The following RETREG3 variants were observed in gnomAD, a reference collection of about 807,000 sequenced individuals.
RETREG3 encodes reticulophagy regulator 3.
In RETREG3, 23 loss-of-function variants were observed where a neutral mutation model predicts 50.2. That is an observed-to-expected ratio of 0.46 (90% CI 0.33 to 0.65). The LOEUF (loss-of-function observed/expected upper bound fraction) is 0.65. RETREG3 is among the 30% of genes least tolerant of loss of function. The pLI, the probability that RETREG3 is intolerant of heterozygous loss-of-function variation, is 0.02. For missense variants in RETREG3, 546 were observed against 598.0 expected (o/e 0.91, Z 0.91); for synonymous variants, 240 against 234.4 (o/e 1.02, Z -0.22).
In RETREG3 at chr17:42,579,862, A is replaced by G. The variant is rs1039620034; in HGVS notation, c.*1951T>C. 3.3e-5 allele frequency: 5 copies of G among 152,762 alleles called. No individual in the cohort carries two copies. The highest frequency in any genetic ancestry group is 1.9e-4 in the East Asian group (1 of 5,336). 9.5% of individuals were successfully genotyped at this position (152,762 alleles called of 1,614,324 possible). A position where few individuals can be genotyped will look rare whatever the true frequency, so the allele number is the denominator to read the frequency against. Reference sequence around the variant, plus strand: ...CACCTAACTCTTCCCTCTTCTGTCAACCATTTTCACTCCCTGGCCTCTGTA... The same window carrying G: ...CACCTAACTCTTCCCTCTTCTGTCAGCCATTTTCACTCCCTGGCCTCTGTA... On this transcript the variant is annotated 3_prime_UTR_variant, in exon 9 of 9. Transcript: ENST00000309428.
At chr17:42,585,078 T>C (rs755886111) in intron 6 of RETREG3, 47 bp downstream of exon 6, 2 of 1,600,900 alleles carry the variant, frequency 1.2e-6, no homozygotes, top group Non-Finnish European at 1.7e-6. Context: ...GCTTCTCCTT[T>C]TCGCCCCAAA....
chr17:42,585,309 A>C, intron 5 of RETREG3, 47 bp from the exon 6 acceptor site: 1 of 1,604,108 alleles, frequency 6.2e-7, no homozygotes. Flanking sequence ...AAGGGGCTGC[A>C]AAAAACATTC....
chr17:42,595,556 C>T (rs1383791018), intron 1 of RETREG3, among the ~76,000 whole-genome samples: 2 of 152,020 alleles, frequency 1.3e-5, no homozygotes, highest in African/African-American at 4.8e-5. Flanking sequence ...GGCATGACAC[C>T]TGGCCATAAT....
Position 42,582,068 on chromosome 17 carries a change from G to C in RETREG3, c.1146C>G (p.Leu382=), listed in dbSNP as rs750421064. Residue 382 remains leucine, a synonymous_variant, in exon 9 of 9, where the codon CTC becomes CTG. Transcript: ENST00000309428. ...ATCCTACAGGAAGAGCACCAAGCAG[G>C]AGCTCCGGCAGCGCAGCCTCGTCCC... The part of the protein sequence containing the change: ...ASRDEAALPE[L]LLGALPVGSN... The C allele has an allele frequency of 1.3e-5, 21 of 1,614,100 alleles. No individual in the cohort carries two copies. The highest frequency in any genetic ancestry group is 6.7e-5 in the African/African-American group (5 of 75,026).
Position 42,586,044 on chromosome 17 carries a change from C to A in RETREG3, c.589+9G>T. 2 of 1,613,850 alleles carry A rather than the reference C, an allele frequency of 1.2e-6. No individual in the cohort carries two copies. The highest frequency in any genetic ancestry group is 2.2e-5 in the South Asian group (2 of 91,066). Reference sequence around the variant, plus strand: ...TATACTTTGTAGGGGAGGTATATGTCATACTTACGCATCAAGTAGGACAGC... The same window carrying A: ...TATACTTTGTAGGGGAGGTATATGTAATACTTACGCATCAAGTAGGACAGC... On this transcript the variant is annotated intron_variant, in intron 5 of 8. Transcript: ENST00000309428.
At position 42,609,042 on chromosome 17, in the gene RETREG3, C is replaced by A. The variant is rs1328980130; in HGVS notation, c.239+44G>T. On this transcript the variant is annotated intron_variant, in intron 1 of 8. Coordinates refer to ENST00000309428, the MANE Select transcript of RETREG3 (RefSeq NM_178126.4). ...AGAAGTAGAGCCCTAGAGGAACCAA[C>A]GAATTCGGGACTCGGAGGGTTTCCG... 1.9e-6 allele frequency: 3 copies of A among 1,577,040 alleles called. No individual in the cohort carries two copies. In the African/African-American group the frequency reaches 4.0e-5, roughly 21 times the overall value.
At chr17:42,603,748 C>A (rs1005444464) in intron 1 of RETREG3, among the ~76,000 whole-genome samples, 2 of 152,104 alleles carry the variant, frequency 1.3e-5, no homozygotes, top group African/African-American at 4.8e-5. Context: ...GAGACCGAGG[C>A]GGGCGGATCA....
rs772840236 is a variant in RETREG3, at chr17:42,586,149, A to T, written c.505-12T>A. Reference sequence around the variant, plus strand: ...CTCAGCAAGCAGAACTGGGGAATCAAGAAAGAGTATTAAGTTTCTGTCACA... The same window carrying T: ...CTCAGCAAGCAGAACTGGGGAATCATGAAAGAGTATTAAGTTTCTGTCACA... On this transcript the variant is annotated splice_polypyrimidine_tract_variant and intron_variant, in intron 4 of 8. Coordinates refer to ENST00000309428, the MANE Select transcript of RETREG3 (RefSeq NM_178126.4). The T allele has an allele frequency of 6.2e-7, 1 of 1,613,806 alleles. No homozygotes were observed. The highest frequency in any genetic ancestry group is 8.5e-7 in the Non-Finnish European group (1 of 1,179,864).
intron 1 of RETREG3, among the ~76,000 whole-genome samples, chr17:42,601,603 G>A (rs1444677796): frequency 7.5e-5 from 10 of 132,950 alleles, no homozygotes; most frequent in Non-Finnish European, 9.5e-5. Context: ...AAAAATAAAC[G>A]AAAAATAAAC....
intron 1 of RETREG3, among the ~76,000 whole-genome samples, chr17:42,603,158 C>T (rs112908523): frequency 0.016 from 2,430 of 152,134 alleles, 73 homozygotes; most frequent in African/African-American, 0.056. Context: ...CCAGAAACAT[C>T]GTGAGAAATT....
chr17:42,582,668 C>T lies in RETREG3; in HGVS notation c.943+6G>A. ...ATTATCAACTGAGGTCAAAGGCTCCCCTCACCTTCAGAGCCTTCCGTTAGA... is the reference window on the plus strand; with the variant it reads ...ATTATCAACTGAGGTCAAAGGCTCCTCTCACCTTCAGAGCCTTCCGTTAGA... On this transcript the variant is annotated splice_donor_region_variant and intron_variant, in intron 8 of 8. Coordinates refer to ENST00000309428, the MANE Select transcript of RETREG3 (RefSeq NM_178126.4). 6.2e-7 allele frequency: 1 copy of T among 1,614,120 alleles called. No individual in the cohort carries two copies.
intron 1 of RETREG3, among the ~76,000 whole-genome samples, chr17:42,597,210 A>G (rs534185739): frequency 1.5e-3 from 192 of 127,434 alleles, no homozygotes; most frequent in African/African-American, 5.5e-3. Flanking sequence ...TTTTTTTGAG[A>G]CGGAGTCTTA....
chr17:42,599,526 T>C (rs1182911949), intron 1 of RETREG3, among the ~76,000 whole-genome samples: 4 of 151,736 alleles, frequency 2.6e-5, no homozygotes, highest in African/African-American at 9.7e-5. Flanking sequence ...TGGTGGTGTA[T>C]GCCTGTAATC....
At position 42,593,634 on chromosome 17, in the gene RETREG3, C is replaced by A. The variant is rs187163094; in HGVS notation, c.240-1472G>T. ...CTGCACTCCAGCCTGGGCGACAGAG[C>A]AAGACTCCGTCTCAAAAAAAAAAAA... On this transcript the variant is annotated intron_variant, in intron 1 of 8. Transcript: ENST00000309428. 2.4e-4 allele frequency among the ~76,000 whole-genome samples: 28 copies of A among 114,408 alleles called. No homozygotes were observed. The East Asian group carries it at 6.6e-3, about 27-fold the overall frequency. The allele number at this position is 114,408 out of a possible 152,430, so 75.1% of individuals were successfully genotyped here.
Position 42,580,049 on chromosome 17 carries a change from T to TC in RETREG3, c.*1763_*1764insG, listed in dbSNP as rs2143358574. On this transcript the variant is annotated 3_prime_UTR_variant, in exon 9 of 9. Transcript: ENST00000309428. ...GCAGAAGGAAAGAGGACAGAAGCGT[T>TC]TGGCTTGAGCTCTGCTTGGGGAGGC... The TC allele has an allele frequency of 6.5e-6, 1 of 152,926 alleles. No individual in the cohort carries two copies. Among genetic ancestry groups the TC allele is most frequent in the South Asian group, 2.1e-4 (1 of 4,832 alleles). 9.5% of individuals were successfully genotyped at this position (152,926 alleles called of 1,614,324 possible). A position where few individuals can be genotyped will look rare whatever the true frequency, so the allele number is the denominator to read the frequency against.
chr17:42,603,155 CATCGTGAGAAAT>C (rs2093161523), intron 1 of RETREG3, among the ~76,000 whole-genome samples: 1 of 152,036 alleles, frequency 6.6e-6, no homozygotes, highest in African/African-American at 2.4e-5. Flanking sequence ...TGTCCAGAAA[CATCGTGAGAAAT>C]TCCAGAACCA....
intron 1 of RETREG3, among the ~76,000 whole-genome samples, chr17:42,607,993 A>G (rs756243245): frequency 6.6e-6 from 1 of 152,202 alleles, no homozygotes; most frequent in East Asian, 1.9e-4. Context: ...TTTCGGGTCA[A>G]TGAACTTGGA....
Position 42,581,951 on chromosome 17 carries a change from T to C in RETREG3, c.1263A>G (p.Ala421=), listed in dbSNP as rs754779349. The C allele has an allele frequency of 7.4e-6, 12 of 1,614,062 alleles. No individual in the cohort carries two copies. The South Asian group carries it at 1.1e-4, about 15-fold the overall frequency. ...SGASQPGPSG[A]PAQRATRGFL... is the part of the protein sequence containing the mutation. ...AGCCTCTCGTTGCTCTCTGGGCAGG[T>C]GCTCCAGAAGGGCCTGGTTGGGAGG... Residue 421 remains alanine (A), a synonymous_variant, in exon 9 of 9, where the codon GCA becomes GCG. Transcript: ENST00000309428.
At chr17:42,591,932 G>T (rs1180877968) in intron 2 of RETREG3, 124 bp downstream of exon 2, 5 of 794,598 alleles carry the variant, frequency 6.3e-6, no homozygotes, top group African/African-American at 1.7e-5. Context: ...TAAAGCAAAT[G>T]ATTCAGACTT....
Sources: allele counts gnomAD v4.1 joint callset (sites outside exome capture counted in the v4.1 genomes callset), GRCh38; gene constraint gnomAD v4.1.1; transcripts MANE v1.5; gene names NCBI Gene and HGNC (gene_info 2026-07-23, HGNC 2026-07-21).